ZNF407: variants seen among roughly 807,000 people sequenced by gnomAD.
The protein encoded by ZNF407 is zinc finger protein 407.
ZNF407 carries 17 observed loss-of-function variants against 131.2 expected under a neutral mutation model. The ratio of observed to expected loss-of-function variants is 0.13; its 90% CI spans 0.09 to 0.19. The LOEUF is 0.19. Among genes scored for constraint, ZNF407 ranks in the 10% least tolerant of loss-of-function variants. The probability of loss-of-function intolerance (pLI) is 1.00; values close to 1 mark genes in which losing one functional copy is unlikely to be tolerated. For synonymous variants in ZNF407, 1,156 were observed against 1,062.0 expected (o/e 1.09, Z -1.72); for missense variants, 2,681 against 2,830.6 (o/e 0.95, Z 1.20).
intron 3 of ZNF407, among the ~76,000 whole-genome samples, chr18:74,728,631 A>G (rs1418438328): frequency 6.6e-6 from 1 of 152,160 alleles, no homozygotes; most frequent in Non-Finnish European, 1.5e-5. Flanking sequence ...GGAGAGATGT[A>G]CAGGAAGCAG....
intron 4 of ZNF407, among the ~76,000 whole-genome samples, chr18:74,866,214 G>C (rs1402843853): frequency 3.3e-5 from 5 of 152,158 alleles, no homozygotes; most frequent in African/African-American, 9.7e-5. Flanking sequence ...TCGCATCTTG[G>C]TGATGCTCCA....
intron 3 of ZNF407, among the ~76,000 whole-genome samples, chr18:74,698,142 C>T (rs1353797260): frequency 6.6e-6 from 1 of 152,162 alleles, no homozygotes; most frequent in Non-Finnish European, 1.5e-5. Context: ...TTCCTTTGTT[C>T]ATGCATAATG....
At chr18:74,755,745 C>CTTTCT (rs1555684089) in intron 3 of ZNF407, among the ~76,000 whole-genome samples, 1 of 115,970 alleles carries the variant, frequency 8.6e-6, no homozygotes, top group Non-Finnish European at 1.7e-5. Flanking sequence ...TTCTTTCTTT[C>CTTTCT]TTTCTTTCTT....
At chr18:75,004,371 G>A (rs897635246) in intron 8 of ZNF407, among the ~76,000 whole-genome samples, 5 of 152,178 alleles carry the variant, frequency 3.3e-5, no homozygotes, top group South Asian at 2.1e-4. Context: ...ATAAATTGTC[G>A]CAAGGGTCAT....
rs928523688 is a variant in ZNF407, at chr18:75,011,678, T to C, written c.5429-51472T>C. Among the ~76,000 whole-genome samples, 11 of 152,258 alleles carry C rather than the reference T, an allele frequency of 7.2e-5. No individual in the cohort carries two copies. In the South Asian group the frequency reaches 1.4e-3, roughly 20 times the overall value. On this transcript the variant is annotated intron_variant, in intron 8 of 8. Coordinates refer to ENST00000299687, the MANE Select transcript of ZNF407 (RefSeq NM_017757.3). ...AGAATGAATATTGGATTTATTTTGG[T>C]CTCAGTATTCTTATCATGTCAAAAT...
rs989442101 is a variant in ZNF407, at chr18:75,064,499, A to C, written c.*31A>C. The C allele has an allele frequency of 7.0e-7, 1 of 1,438,814 alleles. No individual in the cohort carries two copies. The highest frequency in any genetic ancestry group is 1.5e-5 in the South Asian group (1 of 67,226). The allele number at this position is 1,438,814 out of a possible 1,614,324, so 89.1% of individuals were successfully genotyped here. ...GCGGCACCTTTACTCAGCACAGGGCAGGTGTGGGAAGGTCCAGCTTCGGTG... is the reference window on the plus strand; with the variant it reads ...GCGGCACCTTTACTCAGCACAGGGCCGGTGTGGGAAGGTCCAGCTTCGGTG... On this transcript the variant is annotated 3_prime_UTR_variant, in exon 9 of 9. Coordinates refer to ENST00000299687, the MANE Select transcript of ZNF407 (RefSeq NM_017757.3).
At position 74,822,742 on chromosome 18, in the gene ZNF407, A is replaced by G. The variant is rs1407195286; in HGVS notation, c.4877+41240A>G. Among the ~76,000 whole-genome samples, 7 of 152,152 alleles carry G rather than the reference A, an allele frequency of 4.6e-5. No homozygotes were observed. In the East Asian group the frequency reaches 5.8e-4, roughly 13 times the overall value. On this transcript the variant is annotated intron_variant, in intron 4 of 8. Coordinates refer to ENST00000299687, the MANE Select transcript of ZNF407 (RefSeq NM_017757.3). ...ATTTTTGCTTAGGATTGTCTTGGCT[A>G]TGTGGGCAGTTTTTCATTTTCACAT... is the stretch of plus-strand genomic sequence containing the variant.
rs116324525 is a variant in ZNF407, at chr18:74,950,534, T to C, written c.5428+29842T>C. 8.7e-3 allele frequency among the ~76,000 whole-genome samples: 1,331 copies of C among 152,308 alleles called. 20 individuals carry two copies. Among genetic ancestry groups the C allele is most frequent in the African/African-American group, 0.029 (1,208 of 41,558 alleles). On this transcript the variant is annotated intron_variant, in intron 8 of 8. Transcript: ENST00000299687. ...AGGTAGAAAGAAAGTGTTGTTTTGA[T>C]GCTGATTTCCTCTTATCCAAGGAAG...
At chr18:74,827,513 A>G (rs1473693135) in intron 4 of ZNF407, among the ~76,000 whole-genome samples, 1 of 151,654 alleles carries the variant, frequency 6.6e-6, no homozygotes, top group Non-Finnish European at 1.5e-5. Flanking sequence ...GATTTGGCAT[A>G]TGGGAGCCTC....
At position 74,631,335 on chromosome 18, in the gene ZNF407, A is replaced by G. The variant is rs2144660890; in HGVS notation, c.316A>G (p.Ile106Val). The G allele has an allele frequency of 6.2e-7, 1 of 1,614,034 alleles. No individual in the cohort carries two copies. The highest frequency in any genetic ancestry group is 1.1e-5 in the South Asian group (1 of 91,086). The change falls in exon 2 of 9, where the codon ATT becomes GTT. Residue 106 changes from isoleucine (I) to valine (V), a missense_variant. By Grantham distance (29) the Ile-to-Val change is conservative (BLOSUM62 3). Transcript: ENST00000299687. Reference sequence around the variant, plus strand: ...TGAGAGCTCAGTCACAGAAGGGGGTATTGCATTAGATGAAACAGGGAAGGA... The same window carrying G: ...TGAGAGCTCAGTCACAGAAGGGGGTGTTGCATTAGATGAAACAGGGAAGGA... ...TSESSVTEGG[I>V]ALDETGKETF...
intron 4 of ZNF407, among the ~76,000 whole-genome samples, chr18:74,801,922 G>A (rs1483171326): frequency 6.6e-6 from 1 of 152,078 alleles, no homozygotes; most frequent in African/African-American, 2.4e-5. Flanking sequence ...ACATGACCTT[G>A]CTAGAAGAAA....
intron 4 of ZNF407, among the ~76,000 whole-genome samples, chr18:74,865,543 A>G (rs1226330876): frequency 6.6e-6 from 1 of 152,194 alleles, no homozygotes; most frequent in African/African-American, 2.4e-5. Flanking sequence ...TAATAATATT[A>G]TAAAGAAACT....
intron 8 of ZNF407, among the ~76,000 whole-genome samples, chr18:74,973,886 C>T (rs1972499599): frequency 6.6e-6 from 1 of 152,164 alleles, no homozygotes; most frequent in African/African-American, 2.4e-5. Flanking sequence ...TGACACTAGA[C>T]ATGTTGAATT....
At chr18:74,843,232 ATCT>A (rs1215011415) in intron 4 of ZNF407, among the ~76,000 whole-genome samples, 35 of 152,206 alleles carry the variant, frequency 2.3e-4, no homozygotes, top group African/African-American at 8.2e-4. Context: ...TTCCTGCTTC[ATCT>A]TCTTTGGAAA....
Position 74,920,511 on chromosome 18 carries a change from T to C in ZNF407, c.5250-3T>C. The C allele has an allele frequency of 6.4e-7, 1 of 1,568,444 alleles. No individual in the cohort carries two copies. The highest frequency in any genetic ancestry group is 8.7e-7 in the Non-Finnish European group (1 of 1,147,802). On this transcript the variant is annotated splice_polypyrimidine_tract_variant and splice_region_variant and intron_variant, in intron 7 of 8. Coordinates refer to ENST00000299687, the MANE Select transcript of ZNF407 (RefSeq NM_017757.3). Reference sequence around the variant, plus strand: ...AGATTTACTTTTCTGTCTTACTTGGTAGGTCAAACTGTGCTGAAAATATCC... The same window carrying C: ...AGATTTACTTTTCTGTCTTACTTGGCAGGTCAAACTGTGCTGAAAATATCC...
chr18:74,768,647 C>CTCAG (rs1196994005), intron 3 of ZNF407, among the ~76,000 whole-genome samples: 1 of 152,100 alleles, frequency 6.6e-6, no homozygotes. Context: ...CTTCTGTATA[C>CTCAG]TGTATATAGA....
intron 8 of ZNF407, among the ~76,000 whole-genome samples, chr18:75,000,399 A>C (rs1346522556): frequency 6.6e-6 from 1 of 152,238 alleles, no homozygotes; most frequent in Non-Finnish European, 1.5e-5. Context: ...GCAAAGAGTT[A>C]ATGTTATTCA....
intron 1 of ZNF407, among the ~76,000 whole-genome samples, chr18:74,626,766 C>T (rs142202826): frequency 7.6e-4 from 116 of 152,330 alleles, no homozygotes; most frequent in African/African-American, 2.5e-3. Context: ...GGCCAGACCT[C>T]CCTTCCCCCA....
At chr18:74,692,158 C>CAT (rs1443884299) in intron 3 of ZNF407, among the ~76,000 whole-genome samples, 1 of 151,760 alleles carries the variant, frequency 6.6e-6, no homozygotes, top group Non-Finnish European at 1.5e-5. Context: ...TATATACATA[C>CAT]ATATATATAT....
Sources: gnomAD v4.1 joint callset for allele counts (sites outside exome capture counted in the v4.1 genomes callset) on GRCh38, gnomAD v4.1.1 for gene constraint, MANE v1.5 for transcripts, NCBI Gene and HGNC (gene_info 2026-07-23, HGNC 2026-07-21) for gene names.